RBFOX1: variants seen among roughly 807,000 people sequenced by gnomAD.
RBFOX1 encodes RNA binding protein fox-1 homolog 1.
RBFOX1 carries 8 observed loss-of-function variants against 57.7 expected under a neutral mutation model. That is an observed-to-expected ratio of 0.14 (90% CI 0.08 to 0.25). The LOEUF is 0.25. Among genes scored for constraint, RBFOX1 ranks in the 10% least tolerant of loss-of-function variants. The pLI is 1.00. For missense variants in RBFOX1, 611 were observed against 548.5 expected, an observed-to-expected ratio of 1.11 and a Z score of -1.14; for synonymous variants, 326 against 222.4, an observed-to-expected ratio of 1.47 and a Z score of -4.15.
chr16:7,221,652 C>T (rs1053429165), intron 4 of RBFOX1, among the ~76,000 whole-genome samples: 2 of 152,194 alleles, frequency 1.3e-5, no homozygotes, highest in African/African-American at 4.8e-5. Flanking sequence ...CAGGCGTGAG[C>T]CACTGCACCT....
At chr16:7,561,027 A>G (rs1207067083) in intron 5 of RBFOX1, among the ~76,000 whole-genome samples, 1 of 152,156 alleles carries the variant, frequency 6.6e-6, no homozygotes, top group Non-Finnish European at 1.5e-5. Context: ...GGAGCTCCCT[A>G]CTGGTTCAGG....
At chr16:6,900,103 A>G (rs1314970594) in intron 3 of RBFOX1, among the ~76,000 whole-genome samples, 1 of 152,102 alleles carries the variant, frequency 6.6e-6, no homozygotes, top group African/African-American at 2.4e-5. Flanking sequence ...CTGGCACATG[A>G]AACAAAGGTT....
chr16:7,107,389 G>A (rs571285222), intron 4 of RBFOX1, among the ~76,000 whole-genome samples: 1 of 152,192 alleles, frequency 6.6e-6, no homozygotes, highest in African/African-American at 2.4e-5. Context: ...GCCACTCTAG[G>A]GTGGAGGCTG....
intron 1 of RBFOX1, among the ~76,000 whole-genome samples, chr16:5,415,291 T>G (rs1161986049): frequency 6.6e-6 from 1 of 152,102 alleles, no homozygotes; most frequent in Non-Finnish European, 1.5e-5. Context: ...AGAGCAAGAA[T>G]GAGGAAGTGC....
chr16:6,120,857 G>C (rs1460731653), intron 1 of RBFOX1, among the ~76,000 whole-genome samples: 3 of 152,066 alleles, frequency 2.0e-5, no homozygotes, highest in African/African-American at 7.2e-5. Context: ...AACATTTCTG[G>C]TGTACAGAAC....
intron 1 of RBFOX1, among the ~76,000 whole-genome samples, chr16:6,026,151 G>T (rs1047576713): frequency 3.9e-5 from 6 of 152,122 alleles, no homozygotes; most frequent in African/African-American, 1.4e-4. Context: ...CATCCCAGGG[G>T]CATCTTATAT....
At chr16:5,425,861 C>G (rs2067543687) in intron 1 of RBFOX1, among the ~76,000 whole-genome samples, 1 of 152,148 alleles carries the variant, frequency 6.6e-6, no homozygotes, top group African/African-American at 2.4e-5. Context: ...GGTAAGCTTT[C>G]TGCTCCTGGT....
At chr16:7,231,891 G>C (rs1450622012) in intron 4 of RBFOX1, among the ~76,000 whole-genome samples, 2 of 152,198 alleles carry the variant, frequency 1.3e-5, no homozygotes, top group African/African-American at 4.8e-5. Context: ...GGTTGCTACA[G>C]GCTAGGAGGA....
chr16:6,019,957 G>C lies in RBFOX1; in HGVS notation c.-162G>C, dbSNP rs2095034370. 1 of 1,532,416 alleles carries C rather than the reference G, an allele frequency of 6.5e-7. No homozygotes were observed. The highest frequency in any genetic ancestry group is 1.4e-5 in the African/African-American group (1 of 72,948). 94.9% of individuals were successfully genotyped at this position (1,532,416 alleles called of 1,614,324 possible). On this transcript the variant is annotated 5_prime_UTR_variant, in exon 1 of 16. Coordinates refer to ENST00000550418, the MANE Select transcript of RBFOX1 (RefSeq NM_018723.4). The surrounding 1 kb of genome is among the most constrained non-coding windows in gnomAD (Gnocchi z 4.2). ...CGGGAATTCGGGGGTCTGGGGCCGAGAACGTGACCGCAGCCGGGCTCGCCG... is the reference window on the plus strand; with the variant it reads ...CGGGAATTCGGGGGTCTGGGGCCGACAACGTGACCGCAGCCGGGCTCGCCG...
At chr16:6,172,153 C>T (rs1263436675) in intron 1 of RBFOX1, among the ~76,000 whole-genome samples, 2 of 152,004 alleles carry the variant, frequency 1.3e-5, no homozygotes, top group Non-Finnish European at 1.5e-5. Context: ...AAGGATGTCA[C>T]ACTGCATGGT....
chr16:6,907,734 C>T (rs1195609473), intron 3 of RBFOX1, among the ~76,000 whole-genome samples: 1 of 151,788 alleles, frequency 6.6e-6, no homozygotes, highest in African/African-American at 2.4e-5. Context: ...CCATGCTTGG[C>T]TTATTTTTTT....
intron 4 of RBFOX1, among the ~76,000 whole-genome samples, chr16:7,171,118 A>G (rs1001073315): frequency 6.6e-6 from 1 of 151,986 alleles, no homozygotes; most frequent in Admixed American, 6.6e-5. Context: ...CCCTCTCCCT[A>G]TGTCTTGGGC....
intron 4 of RBFOX1, chr16:7,304,214 CAGAGAGAGAG>C (rs60200317): frequency 2.0e-4 from 185 of 922,442 alleles, no homozygotes; most frequent in African/African-American, 4.8e-4. Flanking sequence ...GAGAGAGAGA[CAGAGAGAGAG>C]AGAGAGAGAG....
At chr16:6,327,169 C>G (rs189429907) in intron 2 of RBFOX1, among the ~76,000 whole-genome samples, 1 of 152,186 alleles carries the variant, frequency 6.6e-6, no homozygotes, top group Non-Finnish European at 1.5e-5. Flanking sequence ...CTGTGGTCAT[C>G]ATGGGCTTGT....
At chr16:7,242,123 C>T (rs981950821) in intron 4 of RBFOX1, among the ~76,000 whole-genome samples, 3 of 152,008 alleles carry the variant, frequency 2.0e-5, no homozygotes, top group African/African-American at 7.2e-5. Context: ...GTTGAGAACC[C>T]CTGCTTATTG....
chr16:7,066,937 A>G (rs4381619), intron 4 of RBFOX1, among the ~76,000 whole-genome samples: 103,091 of 152,086 alleles, frequency 0.68, 35,363 homozygotes, highest in South Asian at 0.74. Flanking sequence ...GTGGTAGTTT[A>G]TATACCAAAC....
chr16:5,808,572 G>C (rs1287312500), intron 3 of RBFOX1, among the ~76,000 whole-genome samples: 1 of 152,158 alleles, frequency 6.6e-6, no homozygotes, highest in Non-Finnish European at 1.5e-5. Flanking sequence ...TCTTCCATTT[G>C]TTTGTATCCT....
chr16:7,550,769 C>G (rs1388364753), intron 5 of RBFOX1, among the ~76,000 whole-genome samples: 2 of 152,070 alleles, frequency 1.3e-5, no homozygotes, highest in African/African-American at 4.8e-5. Flanking sequence ...TCAGTATCCA[C>G]AATGACTACC....
chr16:6,759,652 G>T (rs1210600339), intron 3 of RBFOX1, among the ~76,000 whole-genome samples: 1 of 151,980 alleles, frequency 6.6e-6, no homozygotes, highest in East Asian at 1.9e-4. Flanking sequence ...TCTATTACTT[G>T]TTTTCACTTT....
Sources: gnomAD v4.1 joint callset for allele counts (sites outside exome capture counted in the v4.1 genomes callset) on GRCh38, gnomAD v4.1.1 for gene constraint, Gnocchi (gnomAD v3.1) non-coding constraint, MANE v1.5 for transcripts, NCBI Gene and HGNC (gene_info 2026-07-23, HGNC 2026-07-21) for gene names.